Variants in DIP2C observed in about 807,000 individuals in gnomAD.
DIP2C encodes the protein DIP2 acetate--CoA ligase C (putative), also known as disco-interacting protein 2 homolog C.
Under a neutral mutation model 192.4 loss-of-function variants are expected in DIP2C, and 33 were observed. That is an observed-to-expected ratio of 0.17 (90% confidence interval 0.13 to 0.23). The LOEUF (loss-of-function observed/expected upper bound fraction) is 0.23. DIP2C is among the 10% of genes least tolerant of loss of function. The probability of loss-of-function intolerance (pLI) is 1.00; values close to 1 mark genes in which losing one functional copy is unlikely to be tolerated. For synonymous variants in DIP2C, 979 were observed against 864.1 expected, an observed-to-expected ratio of 1.13 and a Z score of -2.33; for missense variants, 1,537 against 2,110.1, an observed-to-expected ratio of 0.73 and a Z score of 5.32.
intron 3 of DIP2C, among the ~76,000 whole-genome samples, chr10:456,961 C>T (rs1969352920): frequency 6.6e-6 from 1 of 152,138 alleles, no homozygotes; most frequent in African/African-American, 2.4e-5. Context: ...ATTGATGGGC[C>T]CAGCAAAAAC....
chr10:416,390 C>G (rs1444366826), intron 6 of DIP2C, among the ~76,000 whole-genome samples: 1 of 152,112 alleles, frequency 6.6e-6, no homozygotes, highest in Non-Finnish European at 1.5e-5. Context: ...CTGGAACCCC[C>G]AGCATCCCAC....
chr10:623,593 G>A (rs1854013631), intron 1 of DIP2C, among the ~76,000 whole-genome samples: 1 of 84,708 alleles, frequency 1.2e-5, no homozygotes, highest in Non-Finnish European at 2.3e-5. Flanking sequence ...GGGGAGGAGG[G>A]GAGGGACGCA....
chr10:326,915 C>T (rs1171767307), intron 31 of DIP2C, 91 bp downstream of exon 31: 4 of 1,453,776 alleles, frequency 2.8e-6, no homozygotes, highest in Non-Finnish European at 3.7e-6. Flanking sequence ...AGCTAAGCAT[C>T]AGCCGAGGGA....
Position 506,542 on chromosome 10 carries a change from G to A in DIP2C, c.86-20012C>T, listed in dbSNP as rs573641348. ...GCACAGTTCATCTCAAATGTGATGG[G>A]GACGCTGAATGATACGCCAACGTAC... On this transcript the variant is annotated intron_variant, in intron 1 of 36. Coordinates refer to ENST00000280886, the MANE Select transcript of DIP2C (RefSeq NM_014974.3). Among the ~76,000 whole-genome samples, 5 of 152,232 alleles carry A rather than the reference G, an allele frequency of 3.3e-5. No homozygotes were observed. The South Asian group carries it at 6.2e-4, about 19-fold the overall frequency.
chr10:579,445 T>C (rs1035175943), intron 1 of DIP2C, among the ~76,000 whole-genome samples: 1 of 151,548 alleles, frequency 6.6e-6, no homozygotes, highest in Non-Finnish European at 1.5e-5. Flanking sequence ...ATAACACATG[T>C]GTACATGCAT....
At chr10:480,603 C>T (rs1413062557) in intron 2 of DIP2C, among the ~76,000 whole-genome samples, 2 of 152,262 alleles carry the variant, frequency 1.3e-5, no homozygotes, top group East Asian at 1.9e-4. Context: ...CCCACGTGAG[C>T]AGTTCCAAAG....
At chr10:354,156 A>G (rs1462864191) in intron 24 of DIP2C, among the ~76,000 whole-genome samples, 2 of 152,232 alleles carry the variant, frequency 1.3e-5, no homozygotes, top group African/African-American at 4.8e-5. Flanking sequence ...CCTCCAAGGA[A>G]AAGACATCCT....
At chr10:530,604 G>A (rs1847307155) in intron 1 of DIP2C, among the ~76,000 whole-genome samples, 1 of 145,504 alleles carries the variant, frequency 6.9e-6, no homozygotes, top group Non-Finnish European at 1.5e-5. Context: ...GGTTGCTTGA[G>A]GCCAGGAGTT....
chr10:398,233 C>T (rs767497505), intron 10 of DIP2C, among the ~76,000 whole-genome samples: 7 of 152,100 alleles, frequency 4.6e-5, no homozygotes, highest in Non-Finnish European at 7.4e-5. Flanking sequence ...GAACCATTTA[C>T]ACCTATTCTC....
At chr10:618,552 G>A (rs1321954558) in intron 1 of DIP2C, among the ~76,000 whole-genome samples, 1 of 151,736 alleles carries the variant, frequency 6.6e-6, no homozygotes, top group Non-Finnish European at 1.5e-5. Context: ...AGGTGACGGT[G>A]GCTTTCACTC....
At chr10:643,433 G>A (rs563317846) in intron 1 of DIP2C, among the ~76,000 whole-genome samples, 180 of 151,920 alleles carry the variant, frequency 1.2e-3, no homozygotes, top group African/African-American at 3.4e-3. Flanking sequence ...AGAATGGCAC[G>A]AACCCGGGAG....
At chr10:394,129 T>C (rs940191063) in intron 10 of DIP2C, among the ~76,000 whole-genome samples, 3 of 152,254 alleles carry the variant, frequency 2.0e-5, no homozygotes, top group Non-Finnish European at 4.4e-5. Flanking sequence ...CACTGGAGTG[T>C]TATCCACAAG....
At chr10:346,311 A>G (rs1324414688) in intron 26 of DIP2C, among the ~76,000 whole-genome samples, 5 of 60,778 alleles carry the variant, frequency 8.2e-5, no homozygotes, top group Non-Finnish European at 9.1e-5. Context: ...AACGTCACAC[A>G]CACCCAGACA....
At chr10:463,461 G>A (rs936916374) in intron 3 of DIP2C, among the ~76,000 whole-genome samples, 5 of 152,120 alleles carry the variant, frequency 3.3e-5, no homozygotes, top group African/African-American at 7.2e-5. Flanking sequence ...CCTCTTCAAG[G>A]AGAACTATAA....
At chr10:486,265 G>GA (rs1279481735) in intron 2 of DIP2C, among the ~76,000 whole-genome samples, 194 bp downstream of exon 2, 1 of 152,204 alleles carries the variant, frequency 6.6e-6, no homozygotes, top group African/African-American at 2.4e-5. Context: ...CACACTTATA[G>GA]AAAAATCCTC....
At chr10:473,527 C>G (rs1256733361) in intron 2 of DIP2C, among the ~76,000 whole-genome samples, 2 of 145,196 alleles carry the variant, frequency 1.4e-5, no homozygotes, top group African/African-American at 5.7e-5. Flanking sequence ...GTGAACGGCT[C>G]TGATACCACA....
At chr10:288,897 C>T (rs1002811976) in intron 32 of DIP2C, among the ~76,000 whole-genome samples, 5 of 152,170 alleles carry the variant, frequency 3.3e-5, no homozygotes, top group Non-Finnish European at 5.9e-5. Context: ...AATTGCTGGG[C>T]CCTGACGGCA....
intron 1 of DIP2C, among the ~76,000 whole-genome samples, chr10:597,562 A>G (rs1215048654): frequency 6.6e-6 from 1 of 152,250 alleles, no homozygotes; most frequent in African/African-American, 2.4e-5. Flanking sequence ...GAGTGCACTA[A>G]CGCTGTCACT....
At chr10:559,708 C>T (rs1403194349) in intron 1 of DIP2C, among the ~76,000 whole-genome samples, 2 of 152,176 alleles carry the variant, frequency 1.3e-5, no homozygotes, top group Non-Finnish European at 2.9e-5. Context: ...GGTCACACAG[C>T]AGCTGTGCAG....
Sources: gnomAD v4.1 joint callset for allele counts (sites outside exome capture counted in the v4.1 genomes callset) on GRCh38, gnomAD v4.1.1 for gene constraint, MANE v1.5 for transcripts, NCBI Gene and HGNC (gene_info 2026-07-23, HGNC 2026-07-21) for gene names.